The following KLF12 variants were observed in gnomAD, a reference collection of about 807,000 sequenced individuals.
KLF12 encodes the protein Krueppel-like factor 12.
A neutral mutation model predicts 37.8 loss-of-function variants in KLF12; 9 were observed. The observed-to-expected ratio is 0.24, with a 90% CI of 0.14 to 0.42. The LOEUF (loss-of-function observed/expected upper bound fraction) is 0.42, where lower values mean the gene tolerates loss of function less well. Among genes scored for constraint, KLF12 ranks in the 10% least tolerant of loss-of-function variants. The pLI, the probability that KLF12 is intolerant of heterozygous loss-of-function variation, is 1.00. For synonymous variants in KLF12, 208 were observed against 202.1 expected, an observed-to-expected ratio of 1.03 and a Z score of -0.25; for missense variants, 411 against 516.0, an observed-to-expected ratio of 0.80 and a Z score of 1.97.
At chr13:74,250,203 G>T in the KLF12 span, among the ~76,000 whole-genome samples, 14 of 152,262 alleles carry the variant, frequency 9.2e-5, no homozygotes, top group South Asian at 2.9e-3. Flanking sequence ...GGTGGGAGTA[G>T]TTGTCAGGTA....
intron 3 of KLF12, among the ~76,000 whole-genome samples, chr13:73,941,368 G>A (rs552558475): frequency 9.6e-4 from 146 of 152,112 alleles, no homozygotes; most frequent in Non-Finnish European, 1.9e-3. Flanking sequence ...TCCAACCCGG[G>A]CAACATAGCA....
intron 1 of KLF12, among the ~76,000 whole-genome samples, chr13:74,115,837 G>A (rs1449778223): frequency 1.3e-5 from 2 of 151,960 alleles, no homozygotes; most frequent in East Asian, 3.9e-4. Flanking sequence ...CTCCTCCTCT[G>A]ACGCTTGTAA....
chr13:74,172,323 C>A, the KLF12 span, among the ~76,000 whole-genome samples: 29,483 of 145,044 alleles, frequency 0.2, 4,316 homozygotes, highest in African/African-American at 0.48. Context: ...CACAAAAAAA[C>A]CCTTTATTGG....
the KLF12 span, among the ~76,000 whole-genome samples, chr13:74,237,374 G>A: frequency 6.8e-4 from 98 of 144,584 alleles, 1 homozygote; most frequent in African/African-American, 2.5e-3. Context: ...GTCAGGTAGT[G>A]TGATGCCTCC....
At chr13:74,199,279 C>A in the KLF12 span, among the ~76,000 whole-genome samples, 1 of 152,162 alleles carries the variant, frequency 6.6e-6, no homozygotes, top group Non-Finnish European at 1.5e-5. Flanking sequence ...AAAGGACTAA[C>A]GATTTACTTC....
At chr13:73,904,942 G>T (rs148084391) in intron 3 of KLF12, among the ~76,000 whole-genome samples, 75 of 138,372 alleles carry the variant, frequency 5.4e-4, no homozygotes, top group Middle Eastern at 7.2e-3. Context: ...GTGGTTGACA[G>T]CAACTTATCC....
At position 74,117,442 on chromosome 13, in the gene KLF12, T is replaced by A. The variant is rs1877374421; in HGVS notation, c.-32+16297A>T. 3.9e-5 allele frequency among the ~76,000 whole-genome samples: 6 copies of A among 152,228 alleles called. No individual in the cohort carries two copies. In the South Asian group the frequency reaches 1.2e-3, roughly 32 times the overall value. ...TTAGCTTATGACTCCACATGTAAGA[T>A]ATATACGCATGTACCCATGCCAATA... is the stretch of plus-strand genomic sequence containing the variant. On this transcript the variant is annotated intron_variant, in intron 1 of 7. Transcript: ENST00000377669.
upstream of KLF12, among the ~76,000 whole-genome samples, chr13:74,138,501 T>C (rs748899227): frequency 7.2e-5 from 11 of 152,218 alleles, no homozygotes; most frequent in Non-Finnish European, 1.2e-4. Flanking sequence ...GCTGGTGATA[T>C]TATGTGATTA....
At chr13:74,173,334 A>G in the KLF12 span, among the ~76,000 whole-genome samples, 1 of 152,308 alleles carries the variant, frequency 6.6e-6, no homozygotes, top group East Asian at 1.9e-4. Context: ...AGAAATGGCT[A>G]ACTTCTCTCC....
intron 5 of KLF12, among the ~76,000 whole-genome samples, chr13:73,796,268 ACTC>A (rs1354919563): frequency 6.6e-6 from 1 of 151,930 alleles, no homozygotes; most frequent in Non-Finnish European, 1.5e-5. Flanking sequence ...TTAGGTTCCT[ACTC>A]CGTTAGCACT....
intron 1 of KLF12, among the ~76,000 whole-genome samples, chr13:74,106,888 C>G (rs185044398): frequency 6.6e-6 from 1 of 151,168 alleles, no homozygotes; most frequent in Admixed American, 6.6e-5. Context: ...AGGTCCAATT[C>G]AAAAGAGCTC....
rs535557957 is a variant in KLF12, at chr13:73,767,635, T to C, written c.807-2635A>G. Among the ~76,000 whole-genome samples, 5 of 152,356 alleles carry C rather than the reference T, an allele frequency of 3.3e-5. No individual in the cohort carries two copies. The East Asian group carries it at 9.6e-4, about 29-fold the overall frequency. On this transcript the variant is annotated intron_variant, in intron 5 of 7. Coordinates refer to ENST00000377669, the MANE Select transcript of KLF12 (RefSeq NM_007249.5). ...GGGAAGCTATACCATTAGGGCCATGTGTACCAACTGTTCTATTTATATACA... is the reference window on the plus strand; with the variant it reads ...GGGAAGCTATACCATTAGGGCCATGCGTACCAACTGTTCTATTTATATACA...
intron 2 of KLF12, among the ~76,000 whole-genome samples, chr13:73,950,737 G>C (rs1331898237): frequency 6.6e-6 from 1 of 152,168 alleles, no homozygotes; most frequent in African/African-American, 2.4e-5. Context: ...AACATTATGA[G>C]GAGAGATCTG....
intron 1 of KLF12, among the ~76,000 whole-genome samples, chr13:74,089,803 G>GAAA (rs35244601): frequency 5.9e-5 from 7 of 117,782 alleles, no homozygotes; most frequent in African/African-American, 9.8e-5. Flanking sequence ...CATGCAGGGG[G>GAAA]AAAAAAAAAA....
chr13:74,160,303 C>A, the KLF12 span, among the ~76,000 whole-genome samples: 1 of 152,122 alleles, frequency 6.6e-6, no homozygotes, highest in East Asian at 1.9e-4. Flanking sequence ...GATACACTAA[C>A]GTTGAATGGC....
chr13:74,010,651 G>A (rs1421271032), intron 1 of KLF12, among the ~76,000 whole-genome samples: 2 of 152,080 alleles, frequency 1.3e-5, no homozygotes, highest in Non-Finnish European at 2.9e-5. Context: ...TACTATTTTG[G>A]TTTTTAAAAC....
chr13:74,263,110 T>C, the KLF12 span, among the ~76,000 whole-genome samples: 17 of 152,178 alleles, frequency 1.1e-4, no homozygotes, highest in African/African-American at 4.1e-4. Flanking sequence ...GACATTTTCA[T>C]TTATAAAAGA....
At chr13:74,195,612 G>GTTTT in the KLF12 span, among the ~76,000 whole-genome samples, 1 of 152,136 alleles carries the variant, frequency 6.6e-6, no homozygotes, top group African/African-American at 2.4e-5. Flanking sequence ...TTGTTTGTTT[G>GTTTT]TTTTGAGATG....
intron 1 of KLF12, among the ~76,000 whole-genome samples, chr13:74,065,347 T>A (rs1873852955): frequency 6.6e-6 from 1 of 152,168 alleles, no homozygotes; most frequent in African/African-American, 2.4e-5. Flanking sequence ...AAAACACATA[T>A]ATTTTAAAGT....
Sources: allele counts gnomAD v4.1 joint callset (sites outside exome capture counted in the v4.1 genomes callset), GRCh38; gene constraint gnomAD v4.1.1; transcripts MANE v1.5; gene names NCBI Gene and HGNC (gene_info 2026-07-23, HGNC 2026-07-21).